Variants in MARCHF1 observed in about 807,000 individuals in gnomAD.
The protein encoded by MARCHF1 is membrane associated ring-CH-type finger 1.
In MARCHF1, 40 loss-of-function variants were observed where a neutral mutation model predicts 54.2. The observed-to-expected ratio is 0.74, with a 90% CI of 0.57 to 0.96. The LOEUF (loss-of-function observed/expected upper bound fraction) is 0.96. Ranked by LOEUF, MARCHF1 falls within the 40% of genes least tolerant of loss-of-function variation. The probability of loss-of-function intolerance (pLI) is 0.00; values close to 1 mark genes in which losing one functional copy is unlikely to be tolerated. For synonymous variants in MARCHF1, 236 were observed against 236.3 expected (o/e 1.00, Z 0.01); for missense variants, 586 against 656.5 (o/e 0.89, Z 1.17).
chr4:164,022,295 G>A (rs1423236517), intron 2 of MARCHF1, among the ~76,000 whole-genome samples: 1 of 152,172 alleles, frequency 6.6e-6, no homozygotes, highest in Non-Finnish European at 1.5e-5. Flanking sequence ...AGGATAACTG[G>A]AAGGATGACC....
intron 2 of MARCHF1, among the ~76,000 whole-genome samples, chr4:164,030,563 T>C (rs895011191): frequency 2.0e-5 from 3 of 152,164 alleles, no homozygotes; most frequent in African/African-American, 7.2e-5. Flanking sequence ...ATGACATATA[T>C]GAGGGTGATC....
chr4:163,823,944 C>T (rs1239147209), intron 4 of MARCHF1, among the ~76,000 whole-genome samples: 1 of 151,576 alleles, frequency 6.6e-6, no homozygotes, highest in Non-Finnish European at 1.5e-5. Context: ...GAATATATTA[C>T]CTTTTTATAA....
chr4:163,759,522 A>C (rs1051145411), intron 4 of MARCHF1, among the ~76,000 whole-genome samples: 1 of 152,196 alleles, frequency 6.6e-6, no homozygotes, highest in Non-Finnish European at 1.5e-5. Context: ...AATGATCACA[A>C]GAAGCACATC....
intron 8 of MARCHF1, among the ~76,000 whole-genome samples, chr4:163,549,741 T>TAGAAAA (rs1457716081): frequency 2.6e-5 from 4 of 152,190 alleles, no homozygotes; most frequent in African/African-American, 9.6e-5. Context: ...AGAACTCTAT[T>TAGAAAA]ATTCACTTAG....
chr4:164,315,990 A>C (rs1734986309), intron 1 of MARCHF1, among the ~76,000 whole-genome samples: 2 of 152,106 alleles, frequency 1.3e-5, no homozygotes, highest in African/African-American at 4.8e-5. Flanking sequence ...ACCTTGTGCA[A>C]ATTACTTAAT....
At chr4:164,037,593 T>A (rs1240408711) in intron 2 of MARCHF1, among the ~76,000 whole-genome samples, 1 of 152,140 alleles carries the variant, frequency 6.6e-6, no homozygotes, top group Non-Finnish European at 1.5e-5. Flanking sequence ...CTAAGTAATT[T>A]TTGCAGAAAC....
chr4:164,050,811 T>C (rs1451154204), intron 2 of MARCHF1, among the ~76,000 whole-genome samples: 4 of 152,140 alleles, frequency 2.6e-5, no homozygotes, highest in Non-Finnish European at 4.4e-5. Flanking sequence ...TGCATGCCTG[T>C]AATCCCAGAT....
intron 8 of MARCHF1, among the ~76,000 whole-genome samples, chr4:163,570,418 G>C (rs1739804369): frequency 6.6e-6 from 1 of 151,966 alleles, no homozygotes; most frequent in Admixed American, 6.6e-5. Context: ...TGAAAAACTA[G>C]GTATTATTGC....
intron 4 of MARCHF1, among the ~76,000 whole-genome samples, chr4:163,762,373 A>G (rs1347256864): frequency 6.6e-6 from 1 of 152,158 alleles, no homozygotes; most frequent in Non-Finnish European, 1.5e-5. Context: ...AAATATGTCT[A>G]TACAGAAACA....
intron 1 of MARCHF1, among the ~76,000 whole-genome samples, chr4:164,235,451 A>T (rs1262589173): frequency 6.6e-6 from 1 of 152,150 alleles, no homozygotes; most frequent in African/African-American, 2.4e-5. Flanking sequence ...AGGATTCAGA[A>T]CCTTCTCAGA....
chr4:163,814,135 T>A (rs1205150371), intron 4 of MARCHF1, among the ~76,000 whole-genome samples: 1 of 152,174 alleles, frequency 6.6e-6, no homozygotes, highest in Non-Finnish European at 1.5e-5. Context: ...ATGTTCCATC[T>A]GCTTCAAAGG....
chr4:163,691,446 G>A lies in MARCHF1; in HGVS notation c.162+9367C>T, dbSNP rs528706210. On this transcript the variant is annotated intron_variant, in intron 5 of 9. Transcript: ENST00000514618. ...ATATACTAGGACATCTCTTTCCCTC[G>A]CACTAGTGTGGCTGTAAGTGGAGAA... is the stretch of plus-strand genomic sequence containing the variant. Among the ~76,000 whole-genome samples the A allele has an allele frequency of 4.6e-5, 7 of 152,254 alleles. No homozygotes were observed. The South Asian group carries it at 8.3e-4, about 18-fold the overall frequency.
At chr4:164,192,145 C>G (rs939271304) in intron 1 of MARCHF1, among the ~76,000 whole-genome samples, 1 of 152,084 alleles carries the variant, frequency 6.6e-6, no homozygotes, top group African/African-American at 2.4e-5. Context: ...AAAAACAGAA[C>G]AGAATTTCTA....
chr4:163,907,450 G>A (rs1162793380), intron 3 of MARCHF1, among the ~76,000 whole-genome samples: 2 of 152,032 alleles, frequency 1.3e-5, no homozygotes, highest in Non-Finnish European at 1.5e-5. Flanking sequence ...GTTAGAAGAT[G>A]GCACCTATCT....
intron 4 of MARCHF1, among the ~76,000 whole-genome samples, chr4:163,782,959 G>A (rs1747512194): frequency 6.6e-6 from 1 of 152,060 alleles, no homozygotes; most frequent in African/African-American, 2.4e-5. Flanking sequence ...GTGACAGAAT[G>A]GAGAACTAGA....
At chr4:163,893,827 C>G (rs1326198661) in intron 3 of MARCHF1, among the ~76,000 whole-genome samples, 1 of 152,102 alleles carries the variant, frequency 6.6e-6, no homozygotes, top group Non-Finnish European at 1.5e-5. Context: ...TCATTACAGC[C>G]TGCAAGAGTA....
At chr4:163,675,512 G>C (rs1197045860) in intron 5 of MARCHF1, among the ~76,000 whole-genome samples, 1 of 152,176 alleles carries the variant, frequency 6.6e-6, no homozygotes, top group Non-Finnish European at 1.5e-5. Flanking sequence ...GATTAAACTA[G>C]AAAGTTCATT....
chr4:164,064,021 T>C (rs1025016524), intron 2 of MARCHF1, among the ~76,000 whole-genome samples: 2 of 152,238 alleles, frequency 1.3e-5, no homozygotes, highest in Admixed American at 6.5e-5. Context: ...TTGGTCTGTG[T>C]GTCTGCTCTT....
chr4:164,232,699 A>G (rs1732446023), intron 1 of MARCHF1, among the ~76,000 whole-genome samples: 1 of 152,208 alleles, frequency 6.6e-6, no homozygotes, highest in African/African-American at 2.4e-5. Flanking sequence ...TATCATATCA[A>G]AAATGCTTTA....
Sources: gnomAD v4.1 joint callset for allele counts (sites outside exome capture counted in the v4.1 genomes callset) on GRCh38, gnomAD v4.1.1 for gene constraint, MANE v1.5 for transcripts, NCBI Gene and HGNC (gene_info 2026-07-23, HGNC 2026-07-21) for gene names.